Variants in BCL7A observed in about 807,000 individuals in gnomAD.
The protein encoded by BCL7A is B-cell CLL/lymphoma 7 protein family member A.
A neutral mutation model predicts 28.4 loss-of-function variants in BCL7A; 11 were observed. The ratio of observed to expected loss-of-function variants is 0.39; its 90% confidence interval spans 0.24 to 0.64. The LOEUF is 0.64. Ranked by LOEUF, BCL7A falls within the 30% of genes least tolerant of loss-of-function variation. The probability of loss-of-function intolerance (pLI) is 0.50; values close to 1 mark genes in which losing one functional copy is unlikely to be tolerated. For missense variants in BCL7A, 222 were observed against 274.8 expected (o/e 0.81, Z 1.36); for synonymous variants, 123 against 103.3 (o/e 1.19, Z -1.15).
At chr12:122,031,927 A>G (rs1253922226) in intron 2 of BCL7A, among the ~76,000 whole-genome samples, 1 of 152,162 alleles carries the variant, frequency 6.6e-6, no homozygotes, top group East Asian at 1.9e-4. Flanking sequence ...AGTCTGCCCC[A>G]TAGGCCTTTG....
At chr12:122,054,665 C>T in intron 4 of BCL7A, 140 bp from the exon 5 acceptor site, 1 of 829,282 alleles carries the variant, frequency 1.2e-6, no homozygotes, top group Non-Finnish European at 1.9e-6. Context: ...CCCCAGCCCT[C>T]CAGCCCCCCA....
intron 1 of BCL7A, 68 bp from the exon 2 acceptor site, chr12:122,030,632 G>A: frequency 7.0e-7 from 1 of 1,431,320 alleles, no homozygotes; most frequent in Middle Eastern, 1.8e-4. Context: ...TCAGCCCCAA[G>A]GGAGTGTGGC....
intron 2 of BCL7A, among the ~76,000 whole-genome samples, chr12:122,032,947 G>A (rs1337872093): frequency 2.0e-5 from 3 of 152,202 alleles, no homozygotes; most frequent in Non-Finnish European, 4.4e-5. Flanking sequence ...AGTCTCTGCA[G>A]GTTGAGGCTG....
At chr12:122,034,263 T>C (rs1883805244) in intron 2 of BCL7A, among the ~76,000 whole-genome samples, 1 of 139,298 alleles carries the variant, frequency 7.2e-6, no homozygotes, top group Non-Finnish European at 1.5e-5. Flanking sequence ...TATTGACATA[T>C]GTTAAGTGTT....
At chr12:122,023,344 T>A (rs1018714515) in intron 1 of BCL7A, among the ~76,000 whole-genome samples, 1 of 152,332 alleles carries the variant, frequency 6.6e-6, no homozygotes, top group African/African-American at 2.4e-5. Flanking sequence ...CGACCCTTTA[T>A]TTCGAGCCTG....
At chr12:122,039,990 G>C (rs888692394) in intron 3 of BCL7A, among the ~76,000 whole-genome samples, 1 of 152,100 alleles carries the variant, frequency 6.6e-6, no homozygotes, top group Non-Finnish European at 1.5e-5. Context: ...ATGATCCACT[G>C]TGCCCAGCCT....
chr12:122,043,922 C>T lies in BCL7A; in HGVS notation c.308C>T (p.Ser103Phe), dbSNP rs1222298466. ...NSNQSSIADA[S>F]PIKQENSSNS... ...AACCAGAGCTCCATCGCAGATGCCT[C>T]CCCCATCAAACAGGAGAACAGCAGC... Residue 103 changes from serine (S) to phenylalanine (F), a missense_variant, in exon 4 of 6, where the codon TCC (serine) becomes TTC (phenylalanine). Physicochemically the swap from Ser to Phe is radical, Grantham distance 155 (BLOSUM62 -2). This residue lies in a region of BCL7A where 155 missense variants were observed against 145.7 expected (regional missense o/e 1.06). Coordinates refer to ENST00000261822, the MANE Select transcript of BCL7A (RefSeq NM_001024808.3). The T allele has an allele frequency of 1.9e-6, 3 of 1,613,802 alleles. No individual in the cohort carries two copies. The highest frequency in any genetic ancestry group is 1.7e-6 in the Non-Finnish European group (2 of 1,179,978).
At chr12:122,032,353 C>T (rs1883763315) in intron 2 of BCL7A, among the ~76,000 whole-genome samples, 1 of 152,202 alleles carries the variant, frequency 6.6e-6, no homozygotes, top group African/African-American at 2.4e-5. Flanking sequence ...AGGGCAAGCT[C>T]CTCGAAGGCA....
chr12:122,047,998 C>T lies in BCL7A; in HGVS notation c.439+3945C>T, dbSNP rs1235949327. Among the ~76,000 whole-genome samples, 4 of 150,860 alleles carry T rather than the reference C, an allele frequency of 2.7e-5. No individual in the cohort carries two copies. In the East Asian group the frequency reaches 5.9e-4, roughly 22 times the overall value. ...GGTTCACCACAACCTCCACCTCCCG[C>T]GTTCAAGCGATTCTCCTGCCTCAGC... On this transcript the variant is annotated intron_variant, in intron 4 of 5. Transcript: ENST00000261822.
chr12:122,034,146 C>T (rs1374496417), intron 2 of BCL7A, among the ~76,000 whole-genome samples: 2 of 134,912 alleles, frequency 1.5e-5, no homozygotes, highest in African/African-American at 5.5e-5. Context: ...CACACACATC[C>T]TTTGCTTACC....
At chr12:122,022,826 G>A (rs1883498214) in intron 1 of BCL7A, among the ~76,000 whole-genome samples, 1 of 151,992 alleles carries the variant, frequency 6.6e-6, no homozygotes, top group African/African-American at 2.4e-5. Flanking sequence ...GACCAGGAAA[G>A]ATGGGGGCGA....
rs991816874 is a variant in BCL7A, at chr12:122,060,414, C to T, written c.*1251C>T. 8 of 233,142 alleles carry T rather than the reference C, an allele frequency of 3.4e-5. No homozygotes were observed. The highest frequency in any genetic ancestry group is 6.6e-5 in the African/African-American group (3 of 45,332). 14.4% of individuals were successfully genotyped at this position (233,142 alleles called of 1,614,324 possible). ...GAGGAATTGGAAAGATTTGCACACC[C>T]TCCAGAAAGGAGAGACGCAATCTCC... On this transcript the variant is annotated 3_prime_UTR_variant, in exon 6 of 6. Coordinates refer to ENST00000261822, the MANE Select transcript of BCL7A (RefSeq NM_001024808.3).
chr12:122,022,848 C>T (rs1883499938), intron 1 of BCL7A, among the ~76,000 whole-genome samples: 1 of 151,726 alleles, frequency 6.6e-6, no homozygotes, highest in African/African-American at 2.4e-5. Flanking sequence ...CGCTGGGAGC[C>T]AGCGGCCAGG....
At position 122,030,691 on chromosome 12, in the gene BCL7A, C is replaced by G. The variant is rs753255201; in HGVS notation, c.93-9C>G. 2 of 1,613,174 alleles carry G rather than the reference C, an allele frequency of 1.2e-6. No individual in the cohort carries two copies. Among genetic ancestry groups the G allele is most frequent in the Non-Finnish European group, 1.7e-6 (2 of 1,179,168 alleles). On this transcript the variant is annotated splice_polypyrimidine_tract_variant and intron_variant, in intron 1 of 5. Transcript: ENST00000261822. ...TCCCCGGTAACAGGCTCTTCCTCATCCTCCTCAGGGAGAAGAAATGGGTGA... is the reference window on the plus strand; with the variant it reads ...TCCCCGGTAACAGGCTCTTCCTCATGCTCCTCAGGGAGAAGAAATGGGTGA...
intron 3 of BCL7A, among the ~76,000 whole-genome samples, chr12:122,038,546 C>A (rs1227323221): frequency 6.7e-6 from 1 of 149,388 alleles, no homozygotes; most frequent in African/African-American, 2.5e-5. Flanking sequence ...GTTTCATTTT[C>A]AGAAATAGAT....
chr12:122,058,690 T>C (rs1951895080), intron 5 of BCL7A, among the ~76,000 whole-genome samples: 1 of 152,050 alleles, frequency 6.6e-6, no homozygotes, highest in Admixed American at 6.6e-5. Flanking sequence ...AAAGGTGAAC[T>C]TGAAACAATA....
chr12:122,034,198 T>C (rs1198942800), intron 2 of BCL7A, among the ~76,000 whole-genome samples: 6 of 1,816 alleles, frequency 3.3e-3, no homozygotes, highest in South Asian at 0.013. Flanking sequence ...TTCATATATA[T>C]ATATATATAT....
At chr12:122,048,379 G>A (rs904315498) in intron 4 of BCL7A, among the ~76,000 whole-genome samples, 1 of 152,114 alleles carries the variant, frequency 6.6e-6, no homozygotes, top group African/African-American at 2.4e-5. Flanking sequence ...CCGCTGTGAT[G>A]GACACAGTTA....
Position 122,059,320 on chromosome 12 carries a change from A to C in BCL7A, c.*157A>C. On this transcript the variant is annotated 3_prime_UTR_variant, in exon 6 of 6. Transcript: ENST00000261822. This position sits in a 1 kb window ranked among gnomAD's most constrained non-coding sequence, Gnocchi z 4.0. ...ATCCAAGAAGACCCAGAACGGCGTCACTTCTCAGACACTGAAGAACTCTGC... is the reference window on the plus strand; with the variant it reads ...ATCCAAGAAGACCCAGAACGGCGTCCCTTCTCAGACACTGAAGAACTCTGC... 7.8e-6 allele frequency: 5 copies of C among 642,716 alleles called. No individual in the cohort carries two copies. The South Asian group carries it at 9.9e-5, about 13-fold the overall frequency. The allele number at this position is 642,716 out of a possible 1,614,324, so 39.8% of individuals were successfully genotyped here. A position where few individuals can be genotyped will look rare whatever the true frequency, so the allele number is the denominator to read the frequency against.
Sources: allele counts gnomAD v4.1 joint callset (sites outside exome capture counted in the v4.1 genomes callset), GRCh38; gene constraint gnomAD v4.1.1; regional missense constraint gnomAD v4.1.1; non-coding constraint Gnocchi (gnomAD v3.1); transcripts MANE v1.5; gene names NCBI Gene and HGNC (gene_info 2026-07-23, HGNC 2026-07-21).